The following DDX39B variants were observed in gnomAD, a reference collection of about 807,000 sequenced individuals.
DDX39B encodes the protein spliceosome RNA helicase DDX39B.
In DDX39B, 6 loss-of-function variants were observed where a neutral mutation model predicts 46.4. The ratio of observed to expected loss-of-function variants is 0.13; its 90% CI spans 0.07 to 0.26. The LOEUF is 0.26. DDX39B is among the 10% of genes least tolerant of loss of function. DDX39B has a pLI of 1.00. For synonymous variants in DDX39B, 174 were observed against 199.4 expected, an observed-to-expected ratio of 0.87 and a Z score of 1.07; for missense variants, 185 against 553.4, an observed-to-expected ratio of 0.33 and a Z score of 6.68.
rs541424069 is a variant in DDX39B at position 31,534,605 on chromosome 6, G to A, written c.735+762C>T. The A allele has an allele frequency of 4.8e-6, 2 of 417,872 alleles. No individual in the cohort carries two copies. The highest frequency in any genetic ancestry group is 1.8e-5 in the South Asian group (1 of 56,828). The allele number at this position is 417,872 out of a possible 1,614,324, so 25.9% of individuals were successfully genotyped here. Reference sequence around the variant, plus strand: ...ACACATATTGGGGGAAACGGGGCACGGCACGCGTTGGGTTCAGGAAAAAAA... The same window carrying A: ...ACACATATTGGGGGAAACGGGGCACAGCACGCGTTGGGTTCAGGAAAAAAA... On this transcript the variant is annotated intron_variant, in intron 6 of 10. Coordinates refer to ENST00000396172, the MANE Select transcript of DDX39B (RefSeq NM_004640.7). The surrounding 1 kb of genome is among the most constrained non-coding windows in gnomAD (Gnocchi z 5.1).
At chr6:31,539,076 G>A (rs1435286790) in intron 3 of DDX39B, 71 bp downstream of exon 3, 1 of 1,612,574 alleles carries the variant, frequency 6.2e-7, no homozygotes, top group East Asian at 2.2e-5. Flanking sequence ...GCATCATGTA[G>A]CTAGGACAAA....
intron 2 of DDX39B, 100 bp downstream of exon 2, chr6:31,540,222 A>C: frequency 7.6e-7 from 1 of 1,319,344 alleles, no homozygotes; most frequent in Non-Finnish European, 1.1e-6. Context: ...ATCTAGCCTT[A>C]AGTATAAACC....
At chr6:31,540,190 T>C in intron 2 of DDX39B, 132 bp downstream of exon 2, 1 of 991,950 alleles carries the variant, frequency 1.0e-6, no homozygotes, top group East Asian at 2.4e-5. Flanking sequence ...ATTACAGGCG[T>C]GAGCCACTGC....
chr6:31,538,722 T>C (rs1265059692), intron 4 of DDX39B, 41 bp downstream of exon 4: 9 of 1,562,472 alleles, frequency 5.8e-6, no homozygotes, highest in Non-Finnish European at 7.8e-6. Context: ...TCCCTCCAAC[T>C]TGCCACACCC....
chr6:31,541,911 C>A, intron 1 of DDX39B, 39 bp downstream of exon 1: 1 of 637,808 alleles, frequency 1.6e-6, no homozygotes, highest in South Asian at 1.7e-5. Flanking sequence ...TGCGGAGAAG[C>A]GCAGATGGAA....
chr6:31,539,038 C>CT, intron 3 of DDX39B, 109 bp downstream of exon 3: 2 of 1,590,414 alleles, frequency 1.3e-6, no homozygotes, highest in East Asian at 4.5e-5. Context: ...TCAAGGGTAA[C>CT]AGAGGTCATG....
intron 2 of DDX39B, among the ~76,000 whole-genome samples, chr6:31,540,038 C>G (rs867916376): frequency 1.3e-5 from 2 of 152,198 alleles, no homozygotes; most frequent in African/African-American, 4.8e-5. Context: ...GGTGCAATCA[C>G]GGCTCACTGA....
At position 31,535,330 on chromosome 6, in the gene DDX39B, C is replaced by A. The variant is rs201097551; in HGVS notation, c.735+37G>T. 21 of 1,586,162 alleles carry A rather than the reference C, an allele frequency of 1.3e-5. No homozygotes were observed. The highest frequency in any genetic ancestry group is 1.8e-5 in the Non-Finnish European group (21 of 1,155,576). On this transcript the variant is annotated intron_variant, in intron 6 of 10. Transcript: ENST00000396172. The surrounding 1 kb of genome is among the most constrained non-coding windows in gnomAD (Gnocchi z 4.6). Reference sequence around the variant, plus strand: ...GCGAGGAAGGGGAGGAGGCAGCGGGCGGGGAGTGGAGGGAGAGAAGGTAGA... The same window carrying A: ...GCGAGGAAGGGGAGGAGGCAGCGGGAGGGGAGTGGAGGGAGAGAAGGTAGA...
rs563488082 is a variant in DDX39B at position 31,539,079 on chromosome 6, A to G, written c.339+68T>C. 2.5e-6 allele frequency: 4 copies of G among 1,613,038 alleles called. No homozygotes were observed. The African/African-American group carries it at 4.0e-5, about 16-fold the overall frequency. On this transcript the variant is annotated intron_variant, in intron 3 of 10. Coordinates refer to ENST00000396172, the MANE Select transcript of DDX39B (RefSeq NM_004640.7). ...ATGGCTCTGCAAGCATCATGTAGCT[A>G]GGACAAAAACACCCTTCCCTTATAG...
chr6:31,533,893 A>G (rs1341435364), intron 6 of DDX39B: 2 of 152,276 alleles, frequency 1.3e-5, no homozygotes, highest in East Asian at 3.8e-4. Context: ...CTTTCCTAAC[A>G]CTTTTTATAC....
At position 31,536,697 on chromosome 6, in the gene DDX39B, A is replaced by C; in HGVS notation, c.433-14T>G. 1 of 1,611,474 alleles carries C rather than the reference A, an allele frequency of 6.2e-7. No individual in the cohort carries two copies. On this transcript the variant is annotated splice_polypyrimidine_tract_variant and intron_variant, in intron 4 of 10. Transcript: ENST00000396172. ...AAAAACAGCAACCTGCCGAGCCAGA[A>C]GCAAAGAGTCTCAAAACAGAGGAAG... is the stretch of plus-strand genomic sequence containing the variant.
In DDX39B at chr6:31,536,827, T is replaced by G; in HGVS notation, c.433-144A>C. The G allele has an allele frequency of 4.0e-6, 4 of 999,464 alleles. No individual in the cohort carries two copies. The South Asian group carries it at 5.2e-5, about 13-fold the overall frequency. The allele number at this position is 999,464 out of a possible 1,614,324, so 61.9% of individuals were successfully genotyped here. A position where few individuals can be genotyped will look rare whatever the true frequency, so the allele number is the denominator to read the frequency against. On this transcript the variant is annotated intron_variant, in intron 4 of 10. Transcript: ENST00000396172. Reference sequence around the variant, plus strand: ...TTTAGAGGGCACCTAATTTAAAAATTTTATGTCCCCCCCACCAAACACTGA... The same window carrying G: ...TTTAGAGGGCACCTAATTTAAAAATGTTATGTCCCCCCCACCAAACACTGA...
In DDX39B at chr6:31,536,438, A is replaced by G. The variant is rs533016755; in HGVS notation, c.616+62T>C. The G allele has an allele frequency of 5.6e-6, 9 of 1,608,166 alleles. No homozygotes were observed. The Admixed American group carries it at 1.5e-4, about 27-fold the overall frequency. On this transcript the variant is annotated intron_variant, in intron 5 of 10. Coordinates refer to ENST00000396172, the MANE Select transcript of DDX39B (RefSeq NM_004640.7). ...ACTGAGGTGCTCCTGTTTCAAATAA[A>G]CATCATTTGGCTCCAAAGAACAACT...
chr6:31,539,941 C>T (rs1370247155), intron 2 of DDX39B, among the ~76,000 whole-genome samples: 1 of 151,876 alleles, frequency 6.6e-6, no homozygotes, highest in African/African-American at 2.4e-5. Context: ...AAGAATAAGC[C>T]TGTATAAGCC....
In DDX39B at chr6:31,535,337, T is replaced by C. The variant is rs764672489; in HGVS notation, c.735+30A>G. 3 of 1,596,680 alleles carry C rather than the reference T, an allele frequency of 1.9e-6. No homozygotes were observed. The highest frequency in any genetic ancestry group is 1.7e-5 in the Admixed American group (1 of 59,716). ...AGGGGAGGAGGCAGCGGGCGGGGAG[T>C]GGAGGGAGAGAAGGTAGAAGGGTAT... On this transcript the variant is annotated intron_variant, in intron 6 of 10. Coordinates refer to ENST00000396172, the MANE Select transcript of DDX39B (RefSeq NM_004640.7). The surrounding 1 kb of genome is among the most constrained non-coding windows in gnomAD (Gnocchi z 4.6).
intron 6 of DDX39B, 199 bp from the exon 7 acceptor site, chr6:31,533,110 T>C (rs759124259): frequency 2.8e-5 from 14 of 501,206 alleles, no homozygotes; most frequent in African/African-American, 2.7e-4. Context: ...TTCCTTCCTA[T>C]CAGATGAGTT....
chr6:31,538,787 G>A lies in DDX39B; in HGVS notation c.408C>T (p.Phe136=), dbSNP rs987069638. Residue 136 remains phenylalanine (F), a synonymous_variant, in exon 4 of 11, where the codon TTC becomes TTT. Transcript: ENST00000396172. ...AFQISKEYER[F]SKYMPNVKVA... is the part of the protein sequence containing the mutation. ...CCTTGACATTGGGCATGTATTTAGAGAAGCGCTCATATTCCTTGCTGATCT... is the reference window on the plus strand; with the variant it reads ...CCTTGACATTGGGCATGTATTTAGAAAAGCGCTCATATTCCTTGCTGATCT... The A allele has an allele frequency of 1.9e-6, 3 of 1,613,944 alleles. No homozygotes were observed. Among genetic ancestry groups the A allele is most frequent in the African/African-American group, 2.7e-5 (2 of 75,026 alleles).
intron 3 of DDX39B, 82 bp from the exon 4 acceptor site, chr6:31,538,937 C>T (rs1768083131): frequency 1.3e-6 from 2 of 1,506,760 alleles, no homozygotes; most frequent in Admixed American, 1.7e-5. Flanking sequence ...CACAAAAACA[C>T]ACCTGGGCCG....
In DDX39B at chr6:31,534,454, C is replaced by T. The variant is rs1274741836; in HGVS notation, c.735+913G>A. On this transcript the variant is annotated intron_variant, in intron 6 of 10. Transcript: ENST00000396172. This position sits in a 1 kb window ranked among gnomAD's most constrained non-coding sequence, Gnocchi z 5.1. ...GCAATTGGCCCCACCTAGCCCCAAA[C>T]CCTAACAACCACCCGATTACATCCA... 1 of 471,040 alleles carries T rather than the reference C, an allele frequency of 2.1e-6. No homozygotes were observed. The highest frequency in any genetic ancestry group is 6.9e-5 in the East Asian group (1 of 14,404). 29.2% of individuals were successfully genotyped at this position (471,040 alleles called of 1,614,324 possible). A position where few individuals can be genotyped will look rare whatever the true frequency, so the allele number is the denominator to read the frequency against.
Sources: allele counts gnomAD v4.1 joint callset (sites outside exome capture counted in the v4.1 genomes callset), GRCh38; gene constraint gnomAD v4.1.1; non-coding constraint Gnocchi (gnomAD v3.1); transcripts MANE v1.5; gene names NCBI Gene and HGNC (gene_info 2026-07-23, HGNC 2026-07-21).